The following CDH2 variants were observed in gnomAD, a reference collection of about 807,000 sequenced individuals.
The protein encoded by CDH2 is cadherin 2.
A neutral mutation model predicts 92.0 loss-of-function variants in CDH2; 17 were observed. The ratio of observed to expected loss-of-function variants is 0.18; its 90% confidence interval spans 0.13 to 0.28. CDH2 has a LOEUF of 0.28. CDH2 is among the 10% of genes least tolerant of loss of function. The pLI, the probability that CDH2 is intolerant of heterozygous loss-of-function variation, is 1.00. For missense variants in CDH2, 862 were observed against 1,133.1 expected, an observed-to-expected ratio of 0.76 and a Z score of 3.44; for synonymous variants, 419 against 415.9, an observed-to-expected ratio of 1.01 and a Z score of -0.09.
At chr18:28,046,152 C>G (rs1740200033) in intron 2 of CDH2, among the ~76,000 whole-genome samples, 1 of 152,086 alleles carries the variant, frequency 6.6e-6, no homozygotes, top group African/African-American at 2.4e-5. Context: ...ATTTGAGAAA[C>G]AGAAAGGCTT....
chr18:28,033,646 G>A (rs2013754008), intron 2 of CDH2, among the ~76,000 whole-genome samples: 1 of 151,974 alleles, frequency 6.6e-6, no homozygotes, highest in Non-Finnish European at 1.5e-5. Context: ...GACCATTAGT[G>A]GCACTTTTGA....
chr18:28,159,748 C>T (rs1020737453), intron 1 of CDH2, among the ~76,000 whole-genome samples: 3 of 151,946 alleles, frequency 2.0e-5, no homozygotes, highest in Admixed American at 6.6e-5. Flanking sequence ...CCTTTGCCTC[C>T]GCAGCTCAAG....
chr18:28,121,675 C>T (rs898444115), intron 2 of CDH2, among the ~76,000 whole-genome samples: 1 of 146,732 alleles, frequency 6.8e-6, no homozygotes, highest in African/African-American at 2.4e-5. Flanking sequence ...TGACTGTGTG[C>T]TGGGGATTAG....
At chr18:28,151,327 CTGGCTACTAG>C (rs2016118014) in intron 1 of CDH2, among the ~76,000 whole-genome samples, 1 of 152,236 alleles carries the variant, frequency 6.6e-6, no homozygotes, top group African/African-American at 2.4e-5. Context: ...GGGGGTGCTA[CTGGCTACTAG>C]TGGCTACTGG....
intron 14 of CDH2, among the ~76,000 whole-genome samples, chr18:27,966,980 T>C (rs1217489240): frequency 6.6e-6 from 1 of 152,140 alleles, no homozygotes; most frequent in Non-Finnish European, 1.5e-5. Context: ...TTATACACTA[T>C]AGTAATAATT....
chr18:27,958,254 GAAATTA>G (rs1376405688), intron 15 of CDH2, among the ~76,000 whole-genome samples: 3 of 152,008 alleles, frequency 2.0e-5, no homozygotes, highest in Non-Finnish European at 4.4e-5. Context: ...TTAAAAAACA[GAAATTA>G]AAATTAATTA....
chr18:28,156,024 A>C (rs923133798), intron 1 of CDH2, among the ~76,000 whole-genome samples: 1 of 152,138 alleles, frequency 6.6e-6, no homozygotes, highest in Admixed American at 6.5e-5. Context: ...GAAGGAGATT[A>C]TCTTGTCTTG....
At chr18:28,135,183 A>G (rs951089175) in intron 2 of CDH2, among the ~76,000 whole-genome samples, 12 of 152,178 alleles carry the variant, frequency 7.9e-5, no homozygotes, top group African/African-American at 2.9e-4. Context: ...ATTGCTCAAG[A>G]AGTAAAAAAT....
chr18:28,044,850 CGTGTGT>C (rs68093312), intron 2 of CDH2, among the ~76,000 whole-genome samples: 8,334 of 148,474 alleles, frequency 0.056, 764 homozygotes, highest in African/African-American at 0.2. Context: ...TATATAACAT[CGTGTGT>C]GTGTGTGTGT....
At chr18:28,131,000 C>T (rs1053351171) in intron 2 of CDH2, among the ~76,000 whole-genome samples, 2 of 152,142 alleles carry the variant, frequency 1.3e-5, no homozygotes, top group African/African-American at 4.8e-5. Context: ...TTAATAAAAA[C>T]AGCTCCTTAC....
intron 5 of CDH2, among the ~76,000 whole-genome samples, chr18:28,007,905 T>A: frequency 6.6e-6 from 1 of 152,260 alleles, no homozygotes; most frequent in African/African-American, 2.4e-5. Context: ...AATTTTATTT[T>A]TTATTTTTAG....
chr18:27,971,100 G>A (rs1009288940), intron 14 of CDH2, among the ~76,000 whole-genome samples: 6 of 152,082 alleles, frequency 3.9e-5, no homozygotes, highest in Non-Finnish European at 7.4e-5. Context: ...GCTGGGCGTC[G>A]TGGCACACGC....
intron 2 of CDH2, among the ~76,000 whole-genome samples, chr18:28,060,873 G>C (rs534167863): frequency 6.6e-6 from 1 of 152,014 alleles, no homozygotes; most frequent in South Asian, 2.1e-4. Flanking sequence ...CATTGTTTTC[G>C]GGCATTTCCA....
At chr18:28,069,045 G>GGAAT (rs1435138634) in intron 2 of CDH2, among the ~76,000 whole-genome samples, 1 of 152,022 alleles carries the variant, frequency 6.6e-6, no homozygotes, top group Non-Finnish European at 1.5e-5. Context: ...AACATAACAA[G>GGAAT]GAATGAAAGG....
rs756339858 is a variant in CDH2 at position 27,942,712 on chromosome 18, C to T, written c.1152-9588G>A. On this transcript the variant is annotated intron_variant, in intron 6 of 6. Coordinates refer to the CDH2 transcript ENST00000675173. ...TCTGCTAGCAGACTACATGTTCCCC[C>T]AGAGCCCGGAAATGTTACTTTGATT... is the stretch of plus-strand genomic sequence containing the variant. Among the ~76,000 whole-genome samples, 3 of 152,220 alleles carry T rather than the reference C, an allele frequency of 2.0e-5. No individual in the cohort carries two copies. The East Asian group carries it at 5.8e-4, about 29-fold the overall frequency.
At chr18:27,984,505 G>C (rs959547106) in intron 13 of CDH2, among the ~76,000 whole-genome samples, 1 of 152,146 alleles carries the variant, frequency 6.6e-6, no homozygotes, top group African/African-American at 2.4e-5. Context: ...TGTATGTGAA[G>C]TACAATCTCT....
chr18:27,988,442 T>C, intron 11 of CDH2, 82 bp downstream of exon 11: 2 of 1,235,080 alleles, frequency 1.6e-6, no homozygotes, highest in South Asian at 2.9e-5. Context: ...AATTGAGTTT[T>C]GTAGAAAACT....
chr18:28,095,822 A>AAAAAG (rs1555641273), intron 2 of CDH2, among the ~76,000 whole-genome samples: 4 of 147,174 alleles, frequency 2.7e-5, no homozygotes, highest in African/African-American at 9.9e-5. Context: ...AAAAAAAAAA[A>AAAAAG]AAAGAAAGAA....
chr18:28,119,904 G>GCCATC (rs2015558495), intron 2 of CDH2, among the ~76,000 whole-genome samples: 1 of 151,934 alleles, frequency 6.6e-6, no homozygotes, highest in Non-Finnish European at 1.5e-5. Flanking sequence ...TTGACTGTTG[G>GCCATC]CCATCTCAGA....
Sources: gnomAD v4.1 joint callset for allele counts (sites outside exome capture counted in the v4.1 genomes callset) on GRCh38, gnomAD v4.1.1 for gene constraint, MANE v1.5 for transcripts, NCBI Gene and HGNC (gene_info 2026-07-23, HGNC 2026-07-21) for gene names.